The following EXOC2 variants were observed in gnomAD, a reference collection of about 807,000 sequenced individuals.
EXOC2 encodes exocyst complex component 2, also known as SEC5-like 1.
Under a neutral mutation model 131.8 loss-of-function variants are expected in EXOC2, and 70 were observed. The observed-to-expected ratio is 0.53, with a 90% CI of 0.44 to 0.65. EXOC2 has a LOEUF of 0.65. Among genes scored for constraint, EXOC2 ranks in the 30% least tolerant of loss-of-function variants. The pLI is 0.00. For synonymous variants in EXOC2, 411 were observed against 398.4 expected, an observed-to-expected ratio of 1.03 and a Z score of -0.38; for missense variants, 923 against 1,108.6, an observed-to-expected ratio of 0.83 and a Z score of 2.38.
chr6:580,418 T>C (rs1200730328), intron 11 of EXOC2, among the ~76,000 whole-genome samples: 3 of 152,198 alleles, frequency 2.0e-5, no homozygotes, highest in African/African-American at 4.8e-5. Flanking sequence ...GCTGCATTGA[T>C]AGGAGTTTTC....
At chr6:495,292 A>AT (rs376064050) in intron 25 of EXOC2, among the ~76,000 whole-genome samples, 2,695 of 150,060 alleles carry the variant, frequency 0.018, 82 homozygotes, top group African/African-American at 0.06. Context: ...CGCCCGGCTA[A>AT]TTTTTTGTAT....
chr6:646,032 T>TA (rs1192128898), intron 1 of EXOC2, among the ~76,000 whole-genome samples: 1 of 152,226 alleles, frequency 6.6e-6, no homozygotes, highest in Non-Finnish European at 1.5e-5. Flanking sequence ...ATGGAATGCC[T>TA]ATCAATTTGG....
intron 22 of EXOC2, among the ~76,000 whole-genome samples, chr6:533,648 T>A (rs1766242146): frequency 1.3e-5 from 2 of 152,100 alleles, no homozygotes; most frequent in South Asian, 4.2e-4. Context: ...GAGGCTGGCA[T>A]CAGCCCTACG....
intron 23 of EXOC2, among the ~76,000 whole-genome samples, chr6:528,816 G>A (rs142663579): frequency 8.5e-5 from 13 of 152,214 alleles, no homozygotes; most frequent in African/African-American, 1.9e-4. Context: ...ATTCACAACC[G>A]AGGCTTGTCT....
At chr6:654,803 CAAAAAAAA>C (rs66637987) in intron 1 of EXOC2, among the ~76,000 whole-genome samples, 28 of 29,568 alleles carry the variant, frequency 9.5e-4, no homozygotes, top group South Asian at 5.0e-3. Flanking sequence ...GACCCTGTCT[CAAAAAAAA>C]AAAAAAAAAA....
intron 11 of EXOC2, among the ~76,000 whole-genome samples, chr6:581,556 G>A (rs1316095302): frequency 1.3e-5 from 2 of 151,994 alleles, no homozygotes; most frequent in African/African-American, 2.4e-5. Flanking sequence ...ATTTCTAATT[G>A]CAAAATTCTA....
intron 11 of EXOC2, among the ~76,000 whole-genome samples, chr6:588,963 T>C (rs929808797): frequency 2.6e-5 from 4 of 152,202 alleles, no homozygotes; most frequent in African/African-American, 4.8e-5. Context: ...ATATTTGAGG[T>C]AAAGATATGA....
At chr6:562,953 G>A (rs978860060) in intron 16 of EXOC2, 108 bp from the exon 17 acceptor site, 1 of 705,582 alleles carries the variant, frequency 1.4e-6, no homozygotes, top group Admixed American at 3.9e-5. Context: ...ATATAGGTTT[G>A]TAAAAACTCG....
chr6:573,926 C>T (rs963720878), intron 12 of EXOC2, among the ~76,000 whole-genome samples: 6 of 151,968 alleles, frequency 3.9e-5, no homozygotes, highest in African/African-American at 1.5e-4. Flanking sequence ...TGTTTTTCTC[C>T]CTCCCAACTG....
intron 4 of EXOC2, among the ~76,000 whole-genome samples, chr6:622,110 A>G (rs1219272563): frequency 6.6e-6 from 1 of 152,220 alleles, no homozygotes; most frequent in Non-Finnish European, 1.5e-5. Flanking sequence ...AAAGAATGAC[A>G]TGACCAATTA....
At chr6:671,420 G>A (rs1017342778) in intron 1 of EXOC2, among the ~76,000 whole-genome samples, 6 of 151,908 alleles carry the variant, frequency 3.9e-5, no homozygotes, top group African/African-American at 7.3e-5. Context: ...TTCCACATCC[G>A]TATCATTCAG....
In EXOC2 at chr6:532,626, GA is replaced by G. The variant is rs1488058324; in HGVS notation, c.2239-17del. The stretch of plus-strand genomic sequence containing the variant: ...CCATGCTAACCTATAAACACATAAT[GA>G]AGAGTATGAGTTGCCTATTTGAGGG... On this transcript the variant is annotated splice_polypyrimidine_tract_variant and intron_variant, in intron 22 of 27. Coordinates refer to ENST00000230449, the MANE Select transcript of EXOC2 (RefSeq NM_018303.6). The G allele has an allele frequency of 2.7e-6, 4 of 1,497,998 alleles. No individual in the cohort carries two copies. Among genetic ancestry groups the G allele is most frequent in the Non-Finnish European group, 3.6e-6 (4 of 1,126,070 alleles). 92.8% of individuals were successfully genotyped at this position (1,497,998 alleles called of 1,614,324 possible). A position where few individuals can be genotyped will look rare whatever the true frequency, so the allele number is the denominator to read the frequency against.
In EXOC2 at chr6:678,057, C is replaced by G. The variant is rs1429858607; in HGVS notation, c.-44+14962G>C. Reference sequence around the variant, plus strand: ...CTCCCTGACCAGTTCTTCAGTGTGACCGTGAGCACGCAATGAGAGATGCTA... The same window carrying G: ...CTCCCTGACCAGTTCTTCAGTGTGAGCGTGAGCACGCAATGAGAGATGCTA... On this transcript the variant is annotated intron_variant, in intron 1 of 27. Coordinates refer to ENST00000230449, the MANE Select transcript of EXOC2 (RefSeq NM_018303.6). Among the ~76,000 whole-genome samples, 3 of 152,122 alleles carry G rather than the reference C, an allele frequency of 2.0e-5. 1 individual carries two copies. Among genetic ancestry groups the G allele is most frequent in the African/African-American group, 7.2e-5 (3 of 41,420 alleles).
intron 23 of EXOC2, among the ~76,000 whole-genome samples, chr6:522,881 G>A (rs1037133635): frequency 3.3e-5 from 5 of 152,238 alleles, no homozygotes; most frequent in Non-Finnish European, 5.9e-5. Context: ...GACCAGGAAC[G>A]GCTGGTATGA....
At position 599,224 on chromosome 6, in the gene EXOC2, T is replaced by A. The variant is rs1561908689; in HGVS notation, c.744A>T (p.Arg248Ser). Reference protein sequence around the residue: ...MTQKLENVLNRASNTADTLFQ... With the variant: ...MTQKLENVLNSASNTADTLFQ... Reference sequence around the variant, plus strand: ...ACAATGTGTCTGCAGTATTACTTGCTCCTGTTTTAAAAAGAGGAAAGGAAA... The same window carrying A: ...ACAATGTGTCTGCAGTATTACTTGCACCTGTTTTAAAAAGAGGAAAGGAAA... Residue 248 changes from arginine (R) to serine (S), a missense_variant and splice_region_variant, in exon 8 of 28, where the codon AGA becomes AGT. Coordinates refer to ENST00000230449, the MANE Select transcript of EXOC2 (RefSeq NM_018303.6). 6.4e-7 allele frequency: 1 copy of A among 1,553,878 alleles called. No homozygotes were observed. The highest frequency in any genetic ancestry group is 8.7e-7 in the Non-Finnish European group (1 of 1,148,626).
intron 9 of EXOC2, among the ~76,000 whole-genome samples, chr6:598,468 C>T (rs901960265): frequency 2.0e-5 from 3 of 152,202 alleles, no homozygotes; most frequent in African/African-American, 7.2e-5. Context: ...TTAGACATAA[C>T]TTCAAAAGTT....
At chr6:545,751 CAT>C (rs1432612951) in intron 22 of EXOC2, among the ~76,000 whole-genome samples, 2 of 152,190 alleles carry the variant, frequency 1.3e-5, no homozygotes, top group Non-Finnish European at 2.9e-5. Flanking sequence ...AGTAATTAGA[CAT>C]GTGATCAAAG....
chr6:595,211 AAT>A (rs1158134568), intron 10 of EXOC2, among the ~76,000 whole-genome samples: 2 of 152,046 alleles, frequency 1.3e-5, no homozygotes, highest in African/African-American at 2.4e-5. Context: ...ACAGTAAGAC[AAT>A]ATAGTGGTAA....
chr6:656,464 G>A (rs201176240), intron 1 of EXOC2: 30 of 1,612,218 alleles, frequency 1.9e-5, no homozygotes, highest in South Asian at 1.1e-4. Flanking sequence ...GTCCTCCAGC[G>A]CGGCAGGCGG....
Sources: gnomAD v4.1 joint callset for allele counts (sites outside exome capture counted in the v4.1 genomes callset) on GRCh38, gnomAD v4.1.1 for gene constraint, MANE v1.5 for transcripts, NCBI Gene and HGNC (gene_info 2026-07-23, HGNC 2026-07-21) for gene names.